HDAC9: variants seen among roughly 807,000 people sequenced by gnomAD.
HDAC9 encodes the protein histone deacetylase 9.
HDAC9 carries 41 observed loss-of-function variants against 139.4 expected under a neutral mutation model. The ratio of observed to expected loss-of-function variants is 0.29; its 90% CI spans 0.23 to 0.38. HDAC9 has a LOEUF of 0.38. HDAC9 is among the 10% of genes least tolerant of loss of function. The pLI is 1.00. For synonymous variants in HDAC9, 517 were observed against 476.2 expected (o/e 1.09, Z -1.12); for missense variants, 1,147 against 1,297.0 (o/e 0.88, Z 1.78).
At chr7:18,938,543 C>T (rs992761433) in intron 23 of HDAC9, among the ~76,000 whole-genome samples, 7 of 151,720 alleles carry the variant, frequency 4.6e-5, no homozygotes, top group African/African-American at 7.3e-5. Context: ...TGCAGTGAGC[C>T]GAGATGGCAC....
intron 2 of HDAC9, among the ~76,000 whole-genome samples, chr7:18,531,802 T>C (rs1279239073): frequency 2.0e-5 from 3 of 152,148 alleles, no homozygotes; most frequent in Non-Finnish European, 2.9e-5. Flanking sequence ...TGGAGTTCTA[T>C]TGAACTCCAT....
chr7:18,969,880 G>T (rs1392319761), intron 24 of HDAC9, among the ~76,000 whole-genome samples: 1 of 152,146 alleles, frequency 6.6e-6, no homozygotes, highest in African/African-American at 2.4e-5. Context: ...TGCCAAAGTG[G>T]AGTATGCTGA....
intron 13 of HDAC9, among the ~76,000 whole-genome samples, chr7:18,744,012 G>GTTTTTTTTTTTTTTTTT (rs35414332): frequency 4.1e-4 from 45 of 110,434 alleles, no homozygotes; most frequent in East Asian, 2.2e-3. Context: ...TTTACTACTA[G>GTTTTTTTTTTTTTTTTT]TTTTTTTTTT....
chr7:18,631,557 A>G (rs1353821575), intron 7 of HDAC9, among the ~76,000 whole-genome samples: 1 of 152,032 alleles, frequency 6.6e-6, no homozygotes, highest in Non-Finnish European at 1.5e-5. Context: ...TTTTGCTGTT[A>G]TCCTCTTACC....
intron 4 of HDAC9, among the ~76,000 whole-genome samples, chr7:18,590,968 C>G (rs1421761400): frequency 1.3e-5 from 2 of 152,108 alleles, no homozygotes; most frequent in African/African-American, 4.8e-5. Flanking sequence ...CAAATAATTC[C>G]CCTGTATTAG....
At chr7:18,693,916 C>T (rs1343994192) in intron 12 of HDAC9, among the ~76,000 whole-genome samples, 2 of 152,088 alleles carry the variant, frequency 1.3e-5, no homozygotes, top group African/African-American at 4.8e-5. Flanking sequence ...TGTTTTTAAA[C>T]ACAGATTTAG....
At chr7:18,282,479 C>T (rs995300923) in intron 2 of HDAC9, among the ~76,000 whole-genome samples, 21 of 151,996 alleles carry the variant, frequency 1.4e-4, no homozygotes, top group African/African-American at 3.4e-4. Context: ...GAGAGTGATA[C>T]GTTGTGATTA....
chr7:18,298,333 T>G (rs1487667242), intron 1 of HDAC9, among the ~76,000 whole-genome samples: 1 of 151,952 alleles, frequency 6.6e-6, no homozygotes, highest in Non-Finnish European at 1.5e-5. Context: ...ATGTGCACAT[T>G]GTGCAGGTTA....
intron 2 of HDAC9, among the ~76,000 whole-genome samples, chr7:18,219,843 G>C (rs1289443147): frequency 1.3e-5 from 2 of 152,200 alleles, no homozygotes; most frequent in African/African-American, 2.4e-5. Context: ...AGAGTGGATA[G>C]AATATGTTGT....
intron 11 of HDAC9, among the ~76,000 whole-genome samples, chr7:18,660,619 A>G (rs1792819054): frequency 6.6e-6 from 1 of 152,164 alleles, no homozygotes; most frequent in African/African-American, 2.4e-5. Context: ...AAAGATAGCG[A>G]TATGATGCCA....
intron 21 of HDAC9, among the ~76,000 whole-genome samples, chr7:18,841,184 G>A (rs1178261942): frequency 6.6e-6 from 1 of 151,868 alleles, no homozygotes; most frequent in African/African-American, 2.4e-5. Flanking sequence ...AAATATTCTT[G>A]TTATATGTAT....
chr7:18,418,106 T>A (rs1404518028), intron 1 of HDAC9, among the ~76,000 whole-genome samples: 1 of 152,190 alleles, frequency 6.6e-6, no homozygotes, highest in African/African-American at 2.4e-5. Flanking sequence ...TTGCTATCCT[T>A]TGATGGCTCA....
chr7:18,233,768 C>G (rs1026861834), intron 2 of HDAC9, among the ~76,000 whole-genome samples: 7 of 152,128 alleles, frequency 4.6e-5, no homozygotes, highest in Non-Finnish European at 8.8e-5. Context: ...GCATACCTGT[C>G]CTGACTTGTT....
intron 24 of HDAC9, among the ~76,000 whole-genome samples, chr7:18,971,562 C>G (rs1282321445): frequency 6.6e-6 from 1 of 152,172 alleles, no homozygotes; most frequent in Non-Finnish European, 1.5e-5. Context: ...AAATATAACC[C>G]ATAAATTATG....
intron 22 of HDAC9, among the ~76,000 whole-genome samples, chr7:18,928,936 T>A (rs2717339): frequency 2.0e-5 from 3 of 151,546 alleles, no homozygotes; most frequent in Non-Finnish European, 2.9e-5. Context: ...TCCAAATTTC[T>A]TACAACGAGA....
At chr7:18,229,252 G>GT (rs1423676469) in intron 2 of HDAC9, among the ~76,000 whole-genome samples, 1 of 152,154 alleles carries the variant, frequency 6.6e-6, no homozygotes, top group East Asian at 1.9e-4. Flanking sequence ...TGCTTTCTTT[G>GT]TAATGCCACT....
At chr7:18,938,849 G>T (rs901168931) in intron 23 of HDAC9, among the ~76,000 whole-genome samples, 1 of 152,148 alleles carries the variant, frequency 6.6e-6, no homozygotes, top group East Asian at 1.9e-4. Flanking sequence ...AGACCAGAAC[G>T]CAGAAAGAAT....
chr7:18,896,108 AAGG>A, intron 22 of HDAC9, among the ~76,000 whole-genome samples: 1 of 152,082 alleles, frequency 6.6e-6, no homozygotes, highest in East Asian at 1.9e-4. Flanking sequence ...GTTATTTATG[AAGG>A]AAGAAACTAT....
At chr7:18,707,710 T>A (rs777682045) in intron 12 of HDAC9, among the ~76,000 whole-genome samples, 1 of 152,006 alleles carries the variant, frequency 6.6e-6, no homozygotes, top group Non-Finnish European at 1.5e-5. Flanking sequence ...TTTTCCTCTT[T>A]GTAAATTAAT....
Sources: allele counts gnomAD v4.1 joint callset (sites outside exome capture counted in the v4.1 genomes callset), GRCh38; gene constraint gnomAD v4.1.1; transcripts MANE v1.5; gene names NCBI Gene and HGNC (gene_info 2026-07-23, HGNC 2026-07-21).